Variants in FNDC3B observed in about 807,000 individuals in gnomAD.
FNDC3B encodes fibronectin type III domain-containing protein 3B.
In FNDC3B, 12 loss-of-function variants were observed where a neutral mutation model predicts 151.5. The observed-to-expected ratio is 0.08, with a 90% confidence interval of 0.05 to 0.13. FNDC3B has a LOEUF of 0.13. FNDC3B is among the 10% of genes least tolerant of loss of function. The pLI is 1.00. For synonymous variants in FNDC3B, 528 were observed against 549.0 expected (o/e 0.96, Z 0.54); for missense variants, 1,214 against 1,505.3 (o/e 0.81, Z 3.20).
At chr3:172,109,943 A>G (rs958156958) in intron 1 of FNDC3B, among the ~76,000 whole-genome samples, 2 of 152,324 alleles carry the variant, frequency 1.3e-5, no homozygotes, top group Admixed American at 6.5e-5. Flanking sequence ...ATACTCTTCT[A>G]TCCTACTTCT....
intron 4 of FNDC3B, among the ~76,000 whole-genome samples, chr3:172,246,428 C>T (rs901315663): frequency 2.0e-5 from 3 of 152,224 alleles, no homozygotes; most frequent in Non-Finnish European, 2.9e-5. Flanking sequence ...TCTCTGTACC[C>T]TACAACTTTA....
chr3:172,249,835 T>C (rs1220209807), intron 5 of FNDC3B, among the ~76,000 whole-genome samples: 2 of 152,244 alleles, frequency 1.3e-5, no homozygotes, highest in African/African-American at 2.4e-5. Flanking sequence ...TTAGCTATGT[T>C]AACAGTAAGA....
intron 3 of FNDC3B, among the ~76,000 whole-genome samples, chr3:172,223,391 A>C (rs1726388443): frequency 6.6e-6 from 1 of 152,238 alleles, no homozygotes; most frequent in African/African-American, 2.4e-5. Flanking sequence ...TGTCCTTTGA[A>C]ATAGTTTTGA....
intron 3 of FNDC3B, among the ~76,000 whole-genome samples, chr3:172,190,355 T>C (rs1724442178): frequency 1.3e-5 from 2 of 152,182 alleles, no homozygotes; most frequent in Non-Finnish European, 1.5e-5. Context: ...TTTAATAAAG[T>C]TGGTTGCAGA....
intron 3 of FNDC3B, among the ~76,000 whole-genome samples, chr3:172,157,946 G>C (rs1242441119): frequency 6.6e-6 from 1 of 152,128 alleles, no homozygotes; most frequent in Non-Finnish European, 1.5e-5. Flanking sequence ...ATTTTATCAT[G>C]AGGACTCAGC....
At chr3:172,351,782 A>G (rs77786315) in intron 21 of FNDC3B, among the ~76,000 whole-genome samples, 13,228 of 152,186 alleles carry the variant, frequency 0.087, 621 homozygotes, top group Middle Eastern at 0.16. Context: ...AGATGACTTA[A>G]TTATGACTTG....
At chr3:172,048,975 T>G (rs902260434) in intron 1 of FNDC3B, among the ~76,000 whole-genome samples, 14 of 152,090 alleles carry the variant, frequency 9.2e-5, no homozygotes, top group Admixed American at 7.2e-4. Flanking sequence ...GATGGAGAGA[T>G]AGTGTTTCAT....
intron 4 of FNDC3B, among the ~76,000 whole-genome samples, chr3:172,242,951 A>G (rs1026567294): frequency 6.6e-6 from 1 of 152,208 alleles, no homozygotes; most frequent in African/African-American, 2.4e-5. Flanking sequence ...TCTGCTGCTT[A>G]GAGATTTCTT....
At chr3:172,257,569 T>TACACACACAC (rs10582558) in intron 6 of FNDC3B, among the ~76,000 whole-genome samples, 49 of 143,874 alleles carry the variant, frequency 3.4e-4, no homozygotes, top group African/African-American at 5.8e-4. Flanking sequence ...CACGCATTCA[T>TACACACACAC]ACACACACAC....
intron 3 of FNDC3B, among the ~76,000 whole-genome samples, chr3:172,174,141 C>A (rs771087451): frequency 1.3e-5 from 2 of 152,142 alleles, no homozygotes; most frequent in Non-Finnish European, 2.9e-5. Context: ...CAGAATGACT[C>A]TCATTCTCTT....
intron 3 of FNDC3B, among the ~76,000 whole-genome samples, chr3:172,208,635 C>T (rs1412913135): frequency 2.6e-5 from 4 of 152,042 alleles, no homozygotes; most frequent in Non-Finnish European, 4.4e-5. Flanking sequence ...CAGGATCCTT[C>T]GGGTGTCACT....
chr3:172,367,121 C>T (rs1734669363), intron 23 of FNDC3B, among the ~76,000 whole-genome samples: 1 of 152,136 alleles, frequency 6.6e-6, no homozygotes. Flanking sequence ...ACATTTGTTT[C>T]CCATTTATTC....
At chr3:172,297,959 A>G (rs1197652996) in intron 8 of FNDC3B, among the ~76,000 whole-genome samples, 3 of 152,126 alleles carry the variant, frequency 2.0e-5, no homozygotes. Flanking sequence ...TGCCTGTTAT[A>G]TTTTGAAAAA....
At chr3:172,351,274 A>G (rs865969064) in intron 21 of FNDC3B, among the ~76,000 whole-genome samples, 1 of 152,186 alleles carries the variant, frequency 6.6e-6, no homozygotes, top group South Asian at 2.1e-4. Flanking sequence ...TCTCAAATGA[A>G]GGTGATTGAG....
rs901196240 is a variant in FNDC3B at position 172,199,059 on chromosome 3, C to A, written c.188-27812C>A. Among the ~76,000 whole-genome samples, 3 of 152,176 alleles carry A rather than the reference C, an allele frequency of 2.0e-5. No individual in the cohort carries two copies. The South Asian group carries it at 6.2e-4, about 31-fold the overall frequency. On this transcript the variant is annotated intron_variant, in intron 3 of 25. Transcript: ENST00000415807. The stretch of plus-strand genomic sequence containing the variant: ...GCCCAGGCTGGTCTTAAACTCCTGG[C>A]CTCAAATGATCCTTCCTCCTCAGCC...
At chr3:172,331,499 A>T (rs990221270) in intron 13 of FNDC3B, among the ~76,000 whole-genome samples, 2 of 152,118 alleles carry the variant, frequency 1.3e-5, no homozygotes, top group African/African-American at 4.8e-5. Flanking sequence ...CTGGGACTAC[A>T]GGCGCCCGCC....
chr3:172,192,431 C>T (rs1030985141), intron 3 of FNDC3B, among the ~76,000 whole-genome samples: 1 of 151,900 alleles, frequency 6.6e-6, no homozygotes, highest in East Asian at 1.9e-4. Flanking sequence ...GTGATCCGCC[C>T]GCCTCGGCCT....
At chr3:172,309,399 G>A (rs1039795408) in intron 10 of FNDC3B, among the ~76,000 whole-genome samples, 7 of 152,126 alleles carry the variant, frequency 4.6e-5, no homozygotes, top group Admixed American at 2.0e-4. Context: ...TAAGGGACTA[G>A]TAGTGGGGTA....
chr3:172,160,176 T>A (rs1722698774), intron 3 of FNDC3B, among the ~76,000 whole-genome samples: 1 of 152,234 alleles, frequency 6.6e-6, no homozygotes, highest in Non-Finnish European at 1.5e-5. Flanking sequence ...TACTACACAC[T>A]ATACAAAACT....
Sources: gnomAD v4.1 joint callset for allele counts (sites outside exome capture counted in the v4.1 genomes callset) on GRCh38, gnomAD v4.1.1 for gene constraint, MANE v1.5 for transcripts, NCBI Gene and HGNC (gene_info 2026-07-23, HGNC 2026-07-21) for gene names.